The following NUBPL variants were observed in gnomAD, a reference collection of about 807,000 sequenced individuals.
The protein encoded by NUBPL is NUBP iron-sulfur cluster assembly factor, mitochondrial, also known as iron-sulfur cluster transfer protein NUBPL.
In NUBPL, 31 loss-of-function variants were observed where a neutral mutation model predicts 45.7. The observed-to-expected ratio is 0.68, with a 90% CI of 0.51 to 0.92. The LOEUF is 0.92. Among genes scored for constraint, NUBPL ranks in the 40% least tolerant of loss-of-function variants. The pLI is 0.00. For synonymous variants in NUBPL, 144 were observed against 140.9 expected (o/e 1.02, Z -0.15); for missense variants, 401 against 398.7 (o/e 1.01, Z -0.05).
chr14:31,580,900 G>A (rs2033844609), intron 3 of NUBPL, among the ~76,000 whole-genome samples: 1 of 152,232 alleles, frequency 6.6e-6, no homozygotes, highest in Non-Finnish European at 1.5e-5. Flanking sequence ...AGCCTCATAA[G>A]CCGTGGTGGA....
In NUBPL at chr14:31,820,155, A is replaced by G. The variant is rs928153161; in HGVS notation, c.608-6474A>G. On this transcript the variant is annotated intron_variant, in intron 7 of 10. Transcript: ENST00000281081. ...ACTCCATCTCAAAAAAAAAAAAAAG[A>G]AAAAGAAAAAAATATTGATAGAGAA... is the stretch of plus-strand genomic sequence containing the variant. 4.2e-3 allele frequency among the ~76,000 whole-genome samples: 262 copies of G among 61,916 alleles called. 13 individuals carry two copies. Among genetic ancestry groups the G allele is most frequent in the African/African-American group, 9.7e-3 (249 of 25,618 alleles). 40.6% of individuals were successfully genotyped at this position (61,916 alleles called of 152,430 possible).
chr14:31,686,439 T>G (rs867993644), intron 6 of NUBPL, among the ~76,000 whole-genome samples: 6 of 152,292 alleles, frequency 3.9e-5, no homozygotes, highest in Non-Finnish European at 5.9e-5. Flanking sequence ...AAGTTGGTTG[T>G]GTTCAGAGGA....
intron 6 of NUBPL, among the ~76,000 whole-genome samples, chr14:31,699,457 T>C (rs1022825299): frequency 4.6e-5 from 7 of 152,260 alleles, no homozygotes; most frequent in African/African-American, 1.4e-4. Flanking sequence ...ACTATTACTA[T>C]TATTTTTACA....
chr14:31,669,651 TTCC>T (rs1187053383), intron 4 of NUBPL, among the ~76,000 whole-genome samples: 1 of 152,084 alleles, frequency 6.6e-6, no homozygotes, highest in Non-Finnish European at 1.5e-5. Flanking sequence ...TGTCTGTTGT[TTCC>T]TTCTTTGTGT....
At chr14:31,767,325 C>A (rs948741925) in intron 6 of NUBPL, among the ~76,000 whole-genome samples, 1 of 152,144 alleles carries the variant, frequency 6.6e-6, no homozygotes, top group African/African-American at 2.4e-5. Flanking sequence ...GCCTTAGCCT[C>A]CTGAGTAGCT....
intron 4 of NUBPL, among the ~76,000 whole-genome samples, chr14:31,629,757 G>A (rs779140930): frequency 3.0e-4 from 46 of 152,202 alleles, no homozygotes; most frequent in South Asian, 1.0e-3. Context: ...GATATATGCC[G>A]AGGTACAAAG....
intron 9 of NUBPL, among the ~76,000 whole-genome samples, chr14:31,847,244 C>T (rs996997651): frequency 1.3e-5 from 2 of 152,134 alleles, no homozygotes; most frequent in African/African-American, 4.8e-5. Flanking sequence ...GAAACAGGTA[C>T]ATTAAAATGT....
chr14:31,712,597 G>C (rs2037601388), intron 6 of NUBPL, among the ~76,000 whole-genome samples: 1 of 152,246 alleles, frequency 6.6e-6, no homozygotes, highest in Admixed American at 6.5e-5. Context: ...ACAGTGGCGG[G>C]CTGAAGCGCT....
chr14:31,763,394 T>A (rs2038853097), intron 6 of NUBPL, among the ~76,000 whole-genome samples: 1 of 152,200 alleles, frequency 6.6e-6, no homozygotes, highest in African/African-American at 2.4e-5. Context: ...GCTCTATTGT[T>A]AATATACACT....
At chr14:31,587,680 T>C (rs1273875007) in intron 3 of NUBPL, among the ~76,000 whole-genome samples, 1 of 152,230 alleles carries the variant, frequency 6.6e-6, no homozygotes, top group Non-Finnish European at 1.5e-5. Context: ...CTATTATCTA[T>C]ATAACTTAAA....
intron 6 of NUBPL, among the ~76,000 whole-genome samples, chr14:31,701,716 G>A (rs932514747): frequency 2.6e-5 from 4 of 152,144 alleles, no homozygotes; most frequent in Non-Finnish European, 5.9e-5. Flanking sequence ...TGAAGTCAGC[G>A]AGACCACGAA....
At chr14:31,581,439 A>G (rs1235224199) in intron 3 of NUBPL, among the ~76,000 whole-genome samples, 1 of 152,140 alleles carries the variant, frequency 6.6e-6, no homozygotes, top group Non-Finnish European at 1.5e-5. Flanking sequence ...TTTCTGTCTC[A>G]TGAATTTGAC....
chr14:31,745,914 G>A (rs553189560), intron 6 of NUBPL, among the ~76,000 whole-genome samples: 2 of 151,990 alleles, frequency 1.3e-5, no homozygotes, highest in South Asian at 2.1e-4. Flanking sequence ...GGTGTCTCAC[G>A]ACCCAGCCTC....
At chr14:31,838,464 A>T (rs2040319442) in intron 8 of NUBPL, among the ~76,000 whole-genome samples, 1 of 152,186 alleles carries the variant, frequency 6.6e-6, no homozygotes, top group African/African-American at 2.4e-5. Flanking sequence ...TAGCTGGATG[A>T]ATCACTTGGA....
intron 6 of NUBPL, among the ~76,000 whole-genome samples, chr14:31,786,190 A>C (rs1052663914): frequency 2.0e-5 from 3 of 152,116 alleles, no homozygotes; most frequent in Non-Finnish European, 2.9e-5. Context: ...AAGTAAAAGC[A>C]TGATTATATG....
chr14:31,697,964 C>A (rs1488772882), intron 6 of NUBPL, among the ~76,000 whole-genome samples: 1 of 151,988 alleles, frequency 6.6e-6, no homozygotes, highest in Non-Finnish European at 1.5e-5. Context: ...ATTTAAGCTC[C>A]AGGAAGACTT....
chr14:31,737,019 G>GT (rs536712907), intron 6 of NUBPL, among the ~76,000 whole-genome samples: 1 of 152,104 alleles, frequency 6.6e-6, no homozygotes, highest in Non-Finnish European at 1.5e-5. Context: ...TGCATTGTTT[G>GT]TTTTTTTCTT....
intron 4 of NUBPL, among the ~76,000 whole-genome samples, chr14:31,638,242 A>G (rs1475958991): frequency 6.6e-6 from 1 of 151,774 alleles, no homozygotes; most frequent in East Asian, 1.9e-4. Flanking sequence ...GTTCCTTTCC[A>G]TGTTTAGTGC....
intron 3 of NUBPL, among the ~76,000 whole-genome samples, chr14:31,579,575 G>A (rs1158188823): frequency 6.6e-6 from 1 of 152,222 alleles, no homozygotes; most frequent in East Asian, 1.9e-4. Context: ...TAGTATTTTA[G>A]TATGTCATTG....
Sources: gnomAD v4.1 joint callset for allele counts (sites outside exome capture counted in the v4.1 genomes callset) on GRCh38, gnomAD v4.1.1 for gene constraint, MANE v1.5 for transcripts, NCBI Gene and HGNC (gene_info 2026-07-23, HGNC 2026-07-21) for gene names.